NUTM2E: variants seen among roughly 807,000 people sequenced by gnomAD.
The protein encoded by NUTM2E is NUT family member 2E.
Under a neutral mutation model 26.1 loss-of-function variants are expected in NUTM2E, and 3 were observed. The observed-to-expected ratio is 0.12, with a 90% CI of 0.05 to 0.30. NUTM2E has a LOEUF of 0.30. NUTM2E is among the 10% of genes least tolerant of loss of function. The pLI, the probability that NUTM2E is intolerant of heterozygous loss-of-function variation, is 1.00. For synonymous variants in NUTM2E, 13 were observed against 157.5 expected (o/e 0.08, Z 6.87); for missense variants, 62 against 381.3 (o/e 0.16, Z 6.97).
intron 4 of NUTM2E, 137 bp from the exon 5 acceptor site, chr10:79,844,027 AGCATCCGAT>A (rs1842010247): frequency 3.4e-6 from 1 of 297,188 alleles, no homozygotes; most frequent in Non-Finnish European, 6.3e-6. Flanking sequence ...GGAGGAACAG[AGCATCCGAT>A]GCACACTCAG....
chr10:79,834,250 G>A (rs1390696324), intron 1 of NUTM2E, among the ~76,000 whole-genome samples: 20 of 151,662 alleles, frequency 1.3e-4, no homozygotes, highest in Admixed American at 7.9e-4. Context: ...AGAGAAATAC[G>A]TAATGCAGAT....
chr10:79,828,965 T>C (rs1286868432), intron 1 of NUTM2E, among the ~76,000 whole-genome samples: 3 of 151,818 alleles, frequency 2.0e-5, no homozygotes, highest in Admixed American at 6.6e-5. Context: ...ATCATTAATA[T>C]GGATAAATTT....
chr10:79,833,745 A>G (rs537450417), intron 1 of NUTM2E, among the ~76,000 whole-genome samples: 16 of 152,016 alleles, frequency 1.1e-4, no homozygotes, highest in Admixed American at 4.6e-4. Context: ...AAACAGGAAC[A>G]GTTTTACACT....
At chr10:79,830,503 A>G (rs1479305797) in intron 1 of NUTM2E, among the ~76,000 whole-genome samples, 9 of 151,778 alleles carry the variant, frequency 5.9e-5, no homozygotes, top group Non-Finnish European at 8.8e-5. Context: ...ATGTAAAAAC[A>G]TTTGTCAATG....
intron 1 of NUTM2E, among the ~76,000 whole-genome samples, chr10:79,833,886 A>C (rs1841944051): frequency 6.6e-6 from 1 of 152,006 alleles, no homozygotes; most frequent in East Asian, 1.9e-4. Context: ...ATTATAAATC[A>C]TTCTTCTATA....
intron 1 of NUTM2E, among the ~76,000 whole-genome samples, chr10:79,827,795 G>GTTTTTTTTTTTTTTTTTTTTTTT (rs57414762): frequency 7.8e-6 from 1 of 127,734 alleles, no homozygotes; most frequent in Non-Finnish European, 1.7e-5. Flanking sequence ...TTTTTTTTTT[G>GTTTTTTTTTTTTTTTTTTTTTTT]TTTTTTTTTT....
Position 79,848,701 on chromosome 10 carries a change from C to T in NUTM2E, c.1540C>T (p.Pro514Ser), listed in dbSNP as rs777991947. The T allele has an allele frequency of 9.3e-6, 5 of 539,180 alleles. No homozygotes were observed. Among genetic ancestry groups the T allele is most frequent in the Admixed American group, 4.1e-5 (1 of 24,554 alleles). The allele number at this position is 539,180 out of a possible 1,614,324, so 33.4% of individuals were successfully genotyped here. A position where few individuals can be genotyped will look rare whatever the true frequency, so the allele number is the denominator to read the frequency against. The change falls in exon 8 of 10, where the codon CCA becomes TCA. Residue 514 changes from proline to serine, a missense_variant. Physicochemically the swap from Pro to Ser is moderately conservative, Grantham distance 74. Transcript: ENST00000429984. ...GACCAAGGTCCCTGAGGAGATCCCC[C>T]CAGAAGTGGTGCAGGAGTATGTGGA... Reference protein sequence around the residue: ...AETKVPEEIPPEVVQEYVDIM... With the variant: ...AETKVPEEIPSEVVQEYVDIM...
At chr10:79,831,279 C>T (rs1174987371) in intron 1 of NUTM2E, among the ~76,000 whole-genome samples, 2 of 151,450 alleles carry the variant, frequency 1.3e-5, no homozygotes, top group Non-Finnish European at 2.9e-5. Flanking sequence ...TACTCTGACT[C>T]AGTCATTTTA....
At chr10:79,836,297 A>G (rs1293124523) in intron 1 of NUTM2E, among the ~76,000 whole-genome samples, 5 of 151,924 alleles carry the variant, frequency 3.3e-5, no homozygotes, top group Non-Finnish European at 7.4e-5. Flanking sequence ...TAAAAACAAA[A>G]TAAGACAAAC....
intron 1 of NUTM2E, among the ~76,000 whole-genome samples, chr10:79,832,682 A>G (rs1427585471): frequency 6.6e-6 from 1 of 151,840 alleles, no homozygotes; most frequent in African/African-American, 2.4e-5. Flanking sequence ...AATTATAAAA[A>G]TAAGAACTGA....
chr10:79,829,997 A>C (rs1306787283), intron 1 of NUTM2E, among the ~76,000 whole-genome samples: 1 of 151,642 alleles, frequency 6.6e-6, no homozygotes, highest in African/African-American at 2.4e-5. Context: ...GAGCTTATCC[A>C]AAAGTAAGAA....
intron 1 of NUTM2E, among the ~76,000 whole-genome samples, chr10:79,828,459 G>A (rs1425575442): frequency 6.6e-6 from 1 of 151,802 alleles, no homozygotes; most frequent in African/African-American, 2.4e-5. Context: ...CTGGTAAAGT[G>A]TTTTTATATT....
intron 1 of NUTM2E, among the ~76,000 whole-genome samples, chr10:79,829,724 A>G (rs541961539): frequency 0.011 from 1,689 of 151,838 alleles, 45 homozygotes; most frequent in African/African-American, 0.039. Flanking sequence ...GCAAAATAGA[A>G]TCTGACACCC....
At chr10:79,833,980 G>C (rs933753257) in intron 1 of NUTM2E, among the ~76,000 whole-genome samples, 3 of 151,856 alleles carry the variant, frequency 2.0e-5, no homozygotes, top group African/African-American at 7.3e-5. Flanking sequence ...ATTAATGATA[G>C]ACTGGATAAA....
chr10:79,838,055 A>G (rs1244481431), intron 1 of NUTM2E, among the ~76,000 whole-genome samples: 4 of 151,552 alleles, frequency 2.6e-5, no homozygotes, highest in South Asian at 2.1e-4. Context: ...AAGGCTGGCC[A>G]TGGAAACTAG....
chr10:79,835,749 G>C (rs1227509279), intron 1 of NUTM2E, among the ~76,000 whole-genome samples: 1 of 102,490 alleles, frequency 9.8e-6, no homozygotes, highest in Non-Finnish European at 2.0e-5. Context: ...TTTGACATTT[G>C]TGAGGTCCAC....
chr10:79,829,536 C>T (rs558005785), intron 1 of NUTM2E, among the ~76,000 whole-genome samples: 1 of 152,060 alleles, frequency 6.6e-6, no homozygotes, highest in South Asian at 2.1e-4. Context: ...CTGAACTATA[C>T]CACACTTGCA....
At chr10:79,836,754 G>A (rs1009092244) in intron 1 of NUTM2E, among the ~76,000 whole-genome samples, 2 of 151,858 alleles carry the variant, frequency 1.3e-5, no homozygotes, top group African/African-American at 4.8e-5. Flanking sequence ...GAAACTGCCT[G>A]TACAATTAAT....
At chr10:79,828,440 T>C (rs2132411285) in intron 1 of NUTM2E, among the ~76,000 whole-genome samples, 1 of 152,042 alleles carries the variant, frequency 6.6e-6, no homozygotes, top group African/African-American at 2.4e-5. Context: ...AGCCCCCTTC[T>C]CAGTTTTCCT....
Sources: gnomAD v4.1 joint callset for allele counts (sites outside exome capture counted in the v4.1 genomes callset) on GRCh38, gnomAD v4.1.1 for gene constraint, MANE v1.5 for transcripts, NCBI Gene and HGNC (gene_info 2026-07-23, HGNC 2026-07-21) for gene names.